The following ADGRB3 variants were observed in gnomAD, a reference collection of about 807,000 sequenced individuals.
ADGRB3 encodes the protein brain-specific angiogenesis inhibitor 3.
Under a neutral mutation model 193.4 loss-of-function variants are expected in ADGRB3, and 37 were observed. The ratio of observed to expected loss-of-function variants is 0.19; its 90% CI spans 0.15 to 0.25. ADGRB3 has a LOEUF of 0.25. ADGRB3 is among the 10% of genes least tolerant of loss of function. The probability of loss-of-function intolerance (pLI) is 1.00; values close to 1 mark genes in which losing one functional copy is unlikely to be tolerated. For synonymous variants in ADGRB3, 690 were observed against 644.2 expected (o/e 1.07, Z -1.08); for missense variants, 1,637 against 1,852.9 (o/e 0.88, Z 2.14).
At chr6:68,686,902 C>T (rs1222443229) in intron 3 of ADGRB3, among the ~76,000 whole-genome samples, 3 of 152,030 alleles carry the variant, frequency 2.0e-5, no homozygotes, top group Non-Finnish European at 4.4e-5. Context: ...TAAAAAGATT[C>T]TAGTTCTCAA....
chr6:69,325,066 G>A (rs749332065), intron 21 of ADGRB3, 44 bp downstream of exon 21: 25 of 1,580,766 alleles, frequency 1.6e-5, no homozygotes, highest in Admixed American at 5.3e-5. Flanking sequence ...TCAAAATGAC[G>A]TTGAACACAC....
At chr6:69,261,026 T>A (rs979665544) in intron 20 of ADGRB3, among the ~76,000 whole-genome samples, 1 of 152,186 alleles carries the variant, frequency 6.6e-6, no homozygotes, top group African/African-American at 2.4e-5. Flanking sequence ...TAGCAGTTCA[T>A]TTGCTTTCCA....
chr6:69,125,125 C>A (rs1472950202), intron 17 of ADGRB3, among the ~76,000 whole-genome samples: 5 of 152,162 alleles, frequency 3.3e-5, no homozygotes, highest in Non-Finnish European at 5.9e-5. Context: ...GACAGGCAGG[C>A]AGACCAGCCA....
At chr6:68,725,675 A>G (rs1765659728) in intron 3 of ADGRB3, among the ~76,000 whole-genome samples, 1 of 151,588 alleles carries the variant, frequency 6.6e-6, no homozygotes, top group Non-Finnish European at 1.5e-5. Flanking sequence ...TAGGGAGCAT[A>G]AAAAACTGAT....
chr6:68,666,294 C>T (rs1216135142), intron 3 of ADGRB3, among the ~76,000 whole-genome samples: 2 of 151,884 alleles, frequency 1.3e-5, no homozygotes, highest in African/African-American at 4.8e-5. Context: ...CCACTTCATA[C>T]ATTTATGCTA....
At chr6:68,960,942 A>T (rs985943524) in intron 8 of ADGRB3, among the ~76,000 whole-genome samples, 1 of 152,200 alleles carries the variant, frequency 6.6e-6, no homozygotes, top group African/African-American at 2.4e-5. Flanking sequence ...TGATAAGGTG[A>T]TAAAATTAAC....
At chr6:68,963,637 A>G (rs1234593967) in intron 8 of ADGRB3, among the ~76,000 whole-genome samples, 1 of 152,086 alleles carries the variant, frequency 6.6e-6, no homozygotes, top group East Asian at 1.9e-4. Context: ...TTCTCCCCTT[A>G]TGGTGCTGTT....
intron 20 of ADGRB3, among the ~76,000 whole-genome samples, chr6:69,255,819 G>A (rs1766755033): frequency 6.6e-6 from 1 of 152,102 alleles, no homozygotes; most frequent in Admixed American, 6.5e-5. Flanking sequence ...TTTCTTCTAA[G>A]GTTTTTATGG....
chr6:68,650,608 CT>C (rs1235130093), intron 3 of ADGRB3, among the ~76,000 whole-genome samples: 4 of 152,034 alleles, frequency 2.6e-5, no homozygotes, highest in Non-Finnish European at 4.4e-5. Flanking sequence ...ATTTTGGTTG[CT>C]GTTCAAGTTT....
chr6:68,956,223 T>C lies in ADGRB3; in HGVS notation c.1360+35T>C, dbSNP rs563298890. On this transcript the variant is annotated intron_variant, in intron 7 of 31. Transcript: ENST00000370598. ...GATTCCTGCATATCATGGGCACTCG[T>C]ACCATGTAAAGGGCACATTATAAAA... 3.2e-6 allele frequency: 5 copies of C among 1,570,226 alleles called. No homozygotes were observed. The African/African-American group carries it at 5.4e-5, about 17-fold the overall frequency.
chr6:68,640,189 C>T (rs1259298235), intron 3 of ADGRB3, among the ~76,000 whole-genome samples: 1 of 152,104 alleles, frequency 6.6e-6, no homozygotes, highest in Non-Finnish European at 1.5e-5. Flanking sequence ...CCATCCTCCT[C>T]TTGAGAGTGA....
At chr6:69,078,396 C>T (rs1179622107) in intron 17 of ADGRB3, among the ~76,000 whole-genome samples, 1 of 151,966 alleles carries the variant, frequency 6.6e-6, no homozygotes, top group African/African-American at 2.4e-5. Flanking sequence ...TGTTCATAAT[C>T]TCATATATCC....
chr6:69,256,292 G>A (rs1379840114), intron 20 of ADGRB3, among the ~76,000 whole-genome samples: 1 of 152,012 alleles, frequency 6.6e-6, no homozygotes, highest in Non-Finnish European at 1.5e-5. Flanking sequence ...ATTACCTTGG[G>A]CCGTATGGCC....
chr6:69,326,367 A>G (rs1768568952), intron 21 of ADGRB3, among the ~76,000 whole-genome samples: 1 of 152,200 alleles, frequency 6.6e-6, no homozygotes, highest in Non-Finnish European at 1.5e-5. Flanking sequence ...TTTGCCATGA[A>G]TTAGTACCAT....
intron 3 of ADGRB3, among the ~76,000 whole-genome samples, chr6:68,753,381 A>G (rs1189933350): frequency 6.6e-6 from 1 of 152,200 alleles, no homozygotes; most frequent in Non-Finnish European, 1.5e-5. Flanking sequence ...CTAACGCCAC[A>G]AGAATTAAGC....
chr6:69,056,263 T>G, intron 15 of ADGRB3, among the ~76,000 whole-genome samples: 1 of 152,162 alleles, frequency 6.6e-6, no homozygotes, highest in Non-Finnish European at 1.5e-5. Flanking sequence ...TTGCGTACCT[T>G]CTTTGGAAAA....
intron 15 of ADGRB3, among the ~76,000 whole-genome samples, chr6:69,051,189 T>C (rs1302119944): frequency 2.0e-5 from 3 of 152,198 alleles, no homozygotes; most frequent in Non-Finnish European, 2.9e-5. Context: ...GGATACATTA[T>C]GGATGATTTA....
At chr6:69,001,575 G>A (rs1049686993) in intron 11 of ADGRB3, among the ~76,000 whole-genome samples, 6 of 152,232 alleles carry the variant, frequency 3.9e-5, no homozygotes, top group East Asian at 1.9e-4. Flanking sequence ...AGAAGAGAGC[G>A]TGTCTTAGTG....
chr6:69,267,412 A>T (rs1471042565), intron 20 of ADGRB3, among the ~76,000 whole-genome samples: 1 of 152,102 alleles, frequency 6.6e-6, no homozygotes, highest in Non-Finnish European at 1.5e-5. Context: ...GTCCATTATT[A>T]ATTTCAGTAT....
Sources: gnomAD v4.1 joint callset for allele counts (sites outside exome capture counted in the v4.1 genomes callset) on GRCh38, gnomAD v4.1.1 for gene constraint, MANE v1.5 for transcripts, NCBI Gene and HGNC (gene_info 2026-07-23, HGNC 2026-07-21) for gene names.